CCDC39: variants seen among roughly 807,000 people sequenced by gnomAD.
The protein encoded by CCDC39 is coiled-coil domain 39 molecular ruler complex subunit, also known as coiled-coil domain-containing protein 39.
CCDC39 carries 113 observed loss-of-function variants against 121.0 expected under a neutral mutation model. The ratio of observed to expected loss-of-function variants is 0.93; its 90% CI spans 0.80 to 1.09. CCDC39 has a LOEUF of 1.09. CCDC39 is among the 50% of genes least tolerant of loss of function. The pLI is 0.00. For missense variants in CCDC39, 1,063 were observed against 1,074.7 expected, an observed-to-expected ratio of 0.99 and a Z score of 0.15; for synonymous variants, 349 against 352.2, an observed-to-expected ratio of 0.99 and a Z score of 0.10.
At chr3:180,651,298 G>C (rs1216223263) in intron 9 of CCDC39, 103 bp downstream of exon 9, 2 of 913,510 alleles carry the variant, frequency 2.2e-6, no homozygotes, top group Admixed American at 5.6e-5. Flanking sequence ...CCAAAAAGCA[G>C]AGCTTCTTAC....
At chr3:180,630,759 G>A (rs1717672378) in intron 14 of CCDC39, among the ~76,000 whole-genome samples, 4 of 152,234 alleles carry the variant, frequency 2.6e-5, no homozygotes, top group African/African-American at 4.8e-5. Flanking sequence ...AGATAACCAT[G>A]GGATGACAGA....
chr3:180,668,258 A>C (rs1372962535), intron 1 of CCDC39, among the ~76,000 whole-genome samples: 1 of 152,208 alleles, frequency 6.6e-6, no homozygotes, highest in Non-Finnish European at 1.5e-5. Flanking sequence ...ACACAATGGT[A>C]GTCCCAGCTA....
chr3:180,677,772 ATG>A (rs1159504771), intron 1 of CCDC39, among the ~76,000 whole-genome samples: 2 of 152,104 alleles, frequency 1.3e-5, no homozygotes, highest in African/African-American at 4.8e-5. Flanking sequence ...GATGTCTGAA[ATG>A]TGTGTTTAAT....
chr3:180,635,500 G>A (rs996149540), intron 13 of CCDC39, among the ~76,000 whole-genome samples: 3 of 152,152 alleles, frequency 2.0e-5, no homozygotes, highest in African/African-American at 7.2e-5. Flanking sequence ...GATACAATGG[G>A]GGTACAGGCA....
intron 14 of CCDC39, among the ~76,000 whole-genome samples, chr3:180,622,794 TG>T (rs1362428487): frequency 1.3e-5 from 2 of 152,128 alleles, no homozygotes; most frequent in East Asian, 3.9e-4. Flanking sequence ...CTTCCTGATG[TG>T]CTGTTGGACT....
Position 180,614,610 on chromosome 3 carries a change from G to A in CCDC39, c.*311C>T, listed in dbSNP as rs935790189. On this transcript the variant is annotated 3_prime_UTR_variant, in exon 20 of 20. Coordinates refer to ENST00000476379, the MANE Select transcript of CCDC39 (RefSeq NM_181426.2). ...CTTGAAAGATTGTTACATTAGAAGTGAGTGTAGTTTCGTGAAATAATGAAG... is the reference window on the plus strand; with the variant it reads ...CTTGAAAGATTGTTACATTAGAAGTAAGTGTAGTTTCGTGAAATAATGAAG... The A allele has an allele frequency of 1.2e-5, 3 of 243,240 alleles. No homozygotes were observed. The highest frequency in any genetic ancestry group is 2.4e-5 in the Non-Finnish European group (3 of 127,266). The allele number at this position is 243,240 out of a possible 1,614,324, so 15.1% of individuals were successfully genotyped here.
At chr3:180,635,732 C>T (rs569958166) in intron 13 of CCDC39, among the ~76,000 whole-genome samples, 6 of 152,310 alleles carry the variant, frequency 3.9e-5, no homozygotes, top group East Asian at 3.9e-4. Flanking sequence ...CCTGTGGCTG[C>T]CTTCACAGGC....
At chr3:180,670,610 T>C (rs544328061) in intron 1 of CCDC39, among the ~76,000 whole-genome samples, 6 of 151,972 alleles carry the variant, frequency 3.9e-5, no homozygotes, top group East Asian at 1.9e-4. Flanking sequence ...TGTCTGTATA[T>C]GTAAAGTACC....
At chr3:180,639,645 G>A (rs1020014280) in intron 13 of CCDC39, among the ~76,000 whole-genome samples, 1 of 151,968 alleles carries the variant, frequency 6.6e-6, no homozygotes, top group African/African-American at 2.4e-5. Context: ...GTGTGAGAGG[G>A]ACCTGAGGGA....
At chr3:180,651,992 A>C (rs913726701) in intron 8 of CCDC39, among the ~76,000 whole-genome samples, 171 bp downstream of exon 8, 1 of 151,926 alleles carries the variant, frequency 6.6e-6, no homozygotes, top group Non-Finnish European at 1.5e-5. Flanking sequence ...AGCTGAGATC[A>C]CGCCACTGCA....
chr3:180,662,628 T>C (rs1249690148), intron 2 of CCDC39, among the ~76,000 whole-genome samples: 1 of 152,162 alleles, frequency 6.6e-6, no homozygotes, highest in Non-Finnish European at 1.5e-5. Context: ...TGAGGTTTGA[T>C]GATAATAAGA....
chr3:180,644,142 T>A lies in CCDC39; in HGVS notation c.1643A>T (p.Asp548Val). ...LFIDRSEKEL[D>V]KAKGFKQDLM... ...CACCTGCTTAAAACCTTTGGCTTTA[T>A]CAAGTTCTTTCTCTGATCTGTCGAT... Residue 548 changes from aspartate (D) to valine (V), a missense_variant, in exon 12 of 20, where the codon GAT becomes GTT. Asp to Val is a radical substitution (Grantham distance 152, BLOSUM62 -3). Transcript: ENST00000476379. 2 of 1,545,644 alleles carry A rather than the reference T, an allele frequency of 1.3e-6. No homozygotes were observed. Among genetic ancestry groups the A allele is most frequent in the Non-Finnish European group, 1.7e-6 (2 of 1,144,762 alleles).
At chr3:180,671,065 A>T (rs765581851) in intron 1 of CCDC39, among the ~76,000 whole-genome samples, 1 of 152,026 alleles carries the variant, frequency 6.6e-6, no homozygotes, top group Non-Finnish European at 1.5e-5. Flanking sequence ...TACAAAAACT[A>T]GCTAGGTGTG....
At position 180,629,711 on chromosome 3, in the gene CCDC39, A is replaced by C. The variant is rs191456117; in HGVS notation, c.1998+1758T>G. On this transcript the variant is annotated intron_variant, in intron 14 of 19. Transcript: ENST00000476379. ...ACATGCTATACAACAACAACAACAA[A>C]AAATGGGAATAACTGCGTGGCAAGC... Among the ~76,000 whole-genome samples, 502 of 152,358 alleles carry C rather than the reference A, an allele frequency of 3.3e-3. 3 individuals are homozygous for C. The highest frequency in any genetic ancestry group is 7.5e-3 in the Admixed American group (114 of 15,302).
intron 6 of CCDC39, among the ~76,000 whole-genome samples, chr3:180,656,280 G>C (rs112659569): frequency 3.9e-5 from 6 of 152,172 alleles, no homozygotes; most frequent in African/African-American, 1.4e-4. Context: ...ATACTTAATA[G>C]TGCTATGCAT....
chr3:180,641,532 A>G (rs994003513), intron 13 of CCDC39, among the ~76,000 whole-genome samples: 5 of 152,148 alleles, frequency 3.3e-5, no homozygotes, highest in African/African-American at 1.2e-4. Flanking sequence ...TGTTAGAACA[A>G]GATTGTTAAG....
At chr3:180,624,861 A>G (rs753908439) in intron 14 of CCDC39, among the ~76,000 whole-genome samples, 6 of 152,028 alleles carry the variant, frequency 3.9e-5, no homozygotes, top group African/African-American at 7.2e-5. Context: ...TTTCTGTCCT[A>G]TAAGATTTCT....
At chr3:180,656,602 C>T (rs1402665871) in intron 6 of CCDC39, among the ~76,000 whole-genome samples, 1 of 152,142 alleles carries the variant, frequency 6.6e-6, no homozygotes, top group Non-Finnish European at 1.5e-5. Flanking sequence ...CATAAGGCTG[C>T]GACCTACGGG....
chr3:180,616,571 T>C lies in CCDC39; in HGVS notation c.2531A>G (p.Asp844Gly), dbSNP rs1354063958. The C allele has an allele frequency of 6.2e-7, 1 of 1,601,054 alleles. No homozygotes were observed. Among genetic ancestry groups the C allele is most frequent in the Admixed American group, 1.7e-5 (1 of 58,098 alleles). Residue 844 changes from aspartate to glycine, a missense_variant, in exon 18 of 20, where the codon GAT (aspartate) becomes GGT (glycine). Physicochemically the swap from Asp to Gly is moderately conservative, Grantham distance 94 (BLOSUM62 -1). Coordinates refer to ENST00000476379, the MANE Select transcript of CCDC39 (RefSeq NM_181426.2). ...FHKVIDEMLV[D>G]IIEENTEIRI... ...GATCTCAGTATTTTCTTCTATGATA[T>C]CAACTAACATTTCATCAATAACTTT...
Sources: allele counts gnomAD v4.1 joint callset (sites outside exome capture counted in the v4.1 genomes callset), GRCh38; gene constraint gnomAD v4.1.1; transcripts MANE v1.5; gene names NCBI Gene and HGNC (gene_info 2026-07-23, HGNC 2026-07-21).